CAST: variants seen among roughly 807,000 people sequenced by gnomAD.
CAST encodes the protein MIR583 host.
CAST carries 76 observed loss-of-function variants against 119.6 expected under a neutral mutation model. That is an observed-to-expected ratio of 0.64 (90% CI 0.53 to 0.77). CAST has a LOEUF of 0.77. CAST is among the 30% of genes least tolerant of loss of function. The pLI is 0.00. For missense variants in CAST, 953 were observed against 946.5 expected (o/e 1.01, Z -0.09); for synonymous variants, 319 against 331.6 (o/e 0.96, Z 0.41).
At chr5:96,187,423 T>C in the CAST span, among the ~76,000 whole-genome samples, 1 of 152,190 alleles carries the variant, frequency 6.6e-6, no homozygotes, top group South Asian at 2.1e-4. Flanking sequence ...CTAGTTCTTC[T>C]AGTTGTGATG....
At chr5:96,515,982 C>A in the CAST span, among the ~76,000 whole-genome samples, 7 of 45,550 alleles carry the variant, frequency 1.5e-4, no homozygotes, top group African/African-American at 5.4e-4. Flanking sequence ...TATTCTCTCA[C>A]CTTATGGCCC....
chr5:96,360,513 G>A, the CAST span, among the ~76,000 whole-genome samples: 1 of 152,124 alleles, frequency 6.6e-6, no homozygotes, highest in Non-Finnish European at 1.5e-5. Context: ...ATGGGGTTTT[G>A]GTGTGGACGT....
At chr5:96,238,517 A>G in the CAST span, among the ~76,000 whole-genome samples, 14 of 150,258 alleles carry the variant, frequency 9.3e-5, no homozygotes, top group African/African-American at 2.9e-4. Context: ...CCTCCTGAGT[A>G]GCTGAGATTA....
the CAST span, among the ~76,000 whole-genome samples, chr5:96,267,849 A>G: frequency 6.6e-6 from 1 of 152,256 alleles, no homozygotes; most frequent in African/African-American, 2.4e-5. Context: ...AAGATAAACA[A>G]TAATGGCTAT....
At chr5:96,162,878 A>G in the CAST span, among the ~76,000 whole-genome samples, 1 of 152,152 alleles carries the variant, frequency 6.6e-6, no homozygotes, top group Non-Finnish European at 1.5e-5. Context: ...GTCTTATGAC[A>G]TTTGGTCTGG....
the CAST span, among the ~76,000 whole-genome samples, chr5:96,135,035 AG>A: frequency 1.3e-5 from 2 of 152,166 alleles, no homozygotes; most frequent in Non-Finnish European, 2.9e-5. Context: ...GGCAGGAGAA[AG>A]CTTGGCACTT....
chr5:96,412,909 TAA>T, the CAST span: 1 of 189,604 alleles, frequency 5.3e-6, no homozygotes, highest in East Asian at 1.8e-4. Flanking sequence ...CCACCCCAAC[TAA>T]ATGACAGACC....
chr5:96,203,994 G>T, the CAST span, among the ~76,000 whole-genome samples: 1 of 152,018 alleles, frequency 6.6e-6, no homozygotes, highest in African/African-American at 2.4e-5. Context: ...TATGAGTAGG[G>T]TTTCGAAGGA....
chr5:96,543,931 T>G (rs183002351), intron 1 of CAST, among the ~76,000 whole-genome samples: 2 of 152,228 alleles, frequency 1.3e-5, no homozygotes, highest in Non-Finnish European at 2.9e-5. Flanking sequence ...TCTATTCTTT[T>G]GCCAGTACCC....
chr5:96,305,627 C>T, the CAST span, among the ~76,000 whole-genome samples: 1 of 152,072 alleles, frequency 6.6e-6, no homozygotes, highest in African/African-American at 2.4e-5. Flanking sequence ...AGATACCTTC[C>T]ATCGATACCT....
the CAST span, among the ~76,000 whole-genome samples, chr5:96,446,128 C>T: frequency 6.8e-6 from 1 of 146,154 alleles, no homozygotes; most frequent in Non-Finnish European, 1.5e-5. Flanking sequence ...TAAAGTGCTG[C>T]GATTACAGGC....
chr5:96,049,933 G>C, the CAST span, among the ~76,000 whole-genome samples: 1 of 135,648 alleles, frequency 7.4e-6, no homozygotes, highest in Admixed American at 7.4e-5. Flanking sequence ...AGAAAAAAAG[G>C]AGAAGAAGGA....
chr5:96,466,239 C>A, the CAST span, among the ~76,000 whole-genome samples: 1 of 152,094 alleles, frequency 6.6e-6, no homozygotes, highest in Non-Finnish European at 1.5e-5. Flanking sequence ...CTTCTCTCCC[C>A]TCCCACCTCC....
chr5:96,131,583 C>T, the CAST span, among the ~76,000 whole-genome samples: 2 of 152,218 alleles, frequency 1.3e-5, 1 homozygote. Flanking sequence ...ATTTCTGTAA[C>T]ACAGTAAAAT....
At chr5:96,407,044 A>T in the CAST span, among the ~76,000 whole-genome samples, 1 of 152,212 alleles carries the variant, frequency 6.6e-6, no homozygotes, top group African/African-American at 2.4e-5. Flanking sequence ...TAAATTCCAG[A>T]GGGATTTAGA....
At chr5:96,233,976 G>A in the CAST span, among the ~76,000 whole-genome samples, 2 of 152,064 alleles carry the variant, frequency 1.3e-5, no homozygotes, top group African/African-American at 2.4e-5. Flanking sequence ...TAAAGTGAGA[G>A]TTTTTGATAT....
At chr5:96,555,753 A>G (rs796875352) in intron 1 of CAST, among the ~76,000 whole-genome samples, 1 of 151,308 alleles carries the variant, frequency 6.6e-6, no homozygotes, top group East Asian at 1.9e-4. Context: ...GGAGCCCACT[A>G]CAGCTCAAGG....
At chr5:96,754,870 A>G in intron 22 of CAST, 129 bp downstream of exon 22, 1 of 619,294 alleles carries the variant, frequency 1.6e-6, no homozygotes, top group Non-Finnish European at 2.9e-6. Flanking sequence ...ACCAAATAGT[A>G]TTAGTCTACT....
At chr5:96,507,990 C>CATTATTATTATT in the CAST span, among the ~76,000 whole-genome samples, 2,824 of 142,230 alleles carry the variant, frequency 0.02, 37 homozygotes, top group Middle Eastern at 0.036. Flanking sequence ...ATATCCCTGA[C>CATTATTATTATT]ATTATTATTA....
Sources: allele counts gnomAD v4.1 joint callset (sites outside exome capture counted in the v4.1 genomes callset), GRCh38; gene constraint gnomAD v4.1.1; transcripts MANE v1.5; gene names NCBI Gene and HGNC (gene_info 2026-07-23, HGNC 2026-07-21).